The following IDI2 variants were observed in gnomAD, a reference collection of about 807,000 sequenced individuals.
IDI2 encodes isopentenyl-diphosphate delta isomerase 2.
IDI2 carries 18 observed loss-of-function variants against 14.8 expected under a neutral mutation model. The observed-to-expected ratio is 1.22, with a 90% CI of 0.84 to 1.80. The LOEUF (loss-of-function observed/expected upper bound fraction) is 1.80. IDI2 is among the 40% of genes most tolerant of loss of function. IDI2 has a pLI of 0.00. For synonymous variants in IDI2, 133 were observed against 109.6 expected (o/e 1.21, Z -1.33); for missense variants, 316 against 283.2 (o/e 1.12, Z -0.83).
At chr10:1,021,665 A>G (rs1379612190) in intron 3 of IDI2, among the ~76,000 whole-genome samples, 1 of 152,238 alleles carries the variant, frequency 6.6e-6, no homozygotes, top group Non-Finnish European at 1.5e-5. Context: ...TATGTACTAC[A>G]GTTGACCCTC....
chr10:1,020,513 C>T (rs944852648), intron 4 of IDI2, among the ~76,000 whole-genome samples: 7 of 152,110 alleles, frequency 4.6e-5, no homozygotes, highest in African/African-American at 1.4e-4. Flanking sequence ...GGTGTGTGGT[C>T]GACAGATTCC....
chr10:1,020,262 C>T (rs974759886), intron 4 of IDI2, among the ~76,000 whole-genome samples: 12 of 149,834 alleles, frequency 8.0e-5, no homozygotes, highest in Non-Finnish European at 1.0e-4. Context: ...CTCGCTCTGT[C>T]GCCAGGCTGG....
Position 1,024,567 on chromosome 10 carries a change from A to G in IDI2, c.142+15T>C. ...AAACCCTGGGAACTGGACAGAGAAA[A>G]TGGGCGGGGGCTACCTTTCTCAATG... On this transcript the variant is annotated intron_variant, in intron 2 of 4. Coordinates refer to ENST00000277517, the MANE Select transcript of IDI2 (RefSeq NM_033261.3). The G allele has an allele frequency of 6.2e-7, 1 of 1,613,568 alleles. No individual in the cohort carries two copies. The highest frequency in any genetic ancestry group is 8.5e-7 in the Non-Finnish European group (1 of 1,179,832).
Position 1,019,441 on chromosome 10 carries a change from G to T in IDI2, c.*76C>A. On this transcript the variant is annotated 3_prime_UTR_variant, in exon 5 of 5. Coordinates refer to ENST00000277517, the MANE Select transcript of IDI2 (RefSeq NM_033261.3). The stretch of plus-strand genomic sequence containing the variant: ...CCCCTTTTGCCCTGTTTTTTGGAGA[G>T]GGTGTATCATTGCCTCAATGGTGCG... 1.7e-6 allele frequency: 2 copies of T among 1,188,740 alleles called. No individual in the cohort carries two copies. The highest frequency in any genetic ancestry group is 2.4e-6 in the Non-Finnish European group (2 of 848,770). 73.6% of individuals were successfully genotyped at this position (1,188,740 alleles called of 1,614,324 possible). A position where few individuals can be genotyped will look rare whatever the true frequency, so the allele number is the denominator to read the frequency against.
Position 1,019,557 on chromosome 10 carries a change from A to G in IDI2, c.644T>C (p.Val215Ala). ...LYRWWPHLDD[V>A]TPFVELHKIH... is the part of the protein sequence containing the mutation. ...TTTGTGAAGCTCCACAAACGGGGTC[A>G]CGTCATCCAGGTGAGGCCACCACCG... is the stretch of plus-strand genomic sequence containing the variant. Residue 215 changes from valine (V) to alanine (A), a missense_variant, in exon 5 of 5, where the codon GTG (valine) becomes GCG (alanine). Val to Ala is a moderately conservative substitution (Grantham distance 64). Coordinates refer to ENST00000277517, the MANE Select transcript of IDI2 (RefSeq NM_033261.3). The G allele has an allele frequency of 1.2e-6, 2 of 1,613,858 alleles. No individual in the cohort carries two copies. The highest frequency in any genetic ancestry group is 1.7e-6 in the Non-Finnish European group (2 of 1,179,888).
At chr10:1,020,691 CT>C in intron 4 of IDI2, 75 bp downstream of exon 4, 2 of 1,296,536 alleles carry the variant, frequency 1.5e-6, no homozygotes, top group Non-Finnish European at 1.0e-6. Flanking sequence ...TAGATCCAGC[CT>C]GGACTTTGTT....
At chr10:1,020,180 A>G (rs1832066812) in intron 4 of IDI2, among the ~76,000 whole-genome samples, 1 of 151,858 alleles carries the variant, frequency 6.6e-6, no homozygotes, top group Non-Finnish European at 1.5e-5. Flanking sequence ...TGAAGGTAAC[A>G]CATGCTCACA....
chr10:1,020,773 C>G lies in IDI2; in HGVS notation c.360G>C (p.Gly120=). The G allele has an allele frequency of 6.2e-7, 1 of 1,611,434 alleles. No homozygotes were observed. The highest frequency in any genetic ancestry group is 8.5e-7 in the Non-Finnish European group (1 of 1,179,166). Residue 120 remains glycine, a synonymous_variant, in exon 4 of 5, where the codon GGG becomes GGC. Transcript: ENST00000277517. The part of the protein sequence containing the change: ...RRLQAELGIP[G]EQISPEDIVF... ...GACTGGATGCTGTGTGTACCTGCTC[C>G]CCAGGAATTCCCAGCTCTGCTTGCA...
At chr10:1,024,516 G>C (rs964936852) in intron 2 of IDI2, 66 bp downstream of exon 2, 1 of 1,570,510 alleles carries the variant, frequency 6.4e-7, no homozygotes, top group Non-Finnish European at 8.7e-7. Context: ...CTCTTCTTAG[G>C]TTGCCGTCGG....
intron 3 of IDI2, among the ~76,000 whole-genome samples, chr10:1,021,885 G>C (rs1263587944): frequency 1.3e-5 from 2 of 152,204 alleles, no homozygotes; most frequent in Non-Finnish European, 2.9e-5. Flanking sequence ...GCTCAGGCAA[G>C]GTCTGGTTTT....
chr10:1,020,983 C>G, intron 3 of IDI2, 86 bp from the exon 4 acceptor site: 1 of 1,403,402 alleles, frequency 7.1e-7, no homozygotes. Context: ...CATGTAAAAC[C>G]ATCATCCGTC....
intron 3 of IDI2, among the ~76,000 whole-genome samples, chr10:1,022,031 A>G (rs887424502): frequency 5.9e-5 from 9 of 152,190 alleles, no homozygotes; most frequent in African/African-American, 2.2e-4. Flanking sequence ...AGGCCAAGAC[A>G]GGCATATCAC....
chr10:1,019,631 T>C lies in IDI2; in HGVS notation c.570A>G (p.Glu190=), dbSNP rs759878110. The part of the protein sequence containing the change: ...WELLEREARG[E]VKVTPWLRTI... ...TTCTTAGCCAGGGGGTGACTTTGAC[T>C]TCACCCCTCGCCTCCCTCTCCAGCA... is the stretch of plus-strand genomic sequence containing the variant. Residue 190 remains glutamate (E), a synonymous_variant, in exon 5 of 5, where the codon GAA becomes GAG. Coordinates refer to ENST00000277517, the MANE Select transcript of IDI2 (RefSeq NM_033261.3). The C allele has an allele frequency of 2.6e-5, 42 of 1,613,884 alleles. No homozygotes were observed. Among genetic ancestry groups the C allele is most frequent in the Non-Finnish European group, 3.6e-5 (42 of 1,179,980 alleles).
intron 4 of IDI2, 70 bp downstream of exon 4, chr10:1,020,697 T>G: frequency 1.5e-6 from 2 of 1,323,496 alleles, no homozygotes; most frequent in Non-Finnish European, 2.0e-6. Flanking sequence ...CAGCCTGGAC[T>G]TTGTTCACCG....
At chr10:1,022,215 C>T (rs973375090) in intron 3 of IDI2, among the ~76,000 whole-genome samples, 4 of 150,778 alleles carry the variant, frequency 2.7e-5, no homozygotes, top group Non-Finnish European at 4.4e-5. Context: ...GCCGAGATGG[C>T]GCCACTGCAC....
At position 1,025,010 on chromosome 10, in the gene IDI2, CCACACACA is replaced by C. The variant is rs72086728; in HGVS notation, c.-21-274_-21-267del. Among the ~76,000 whole-genome samples the C allele has an allele frequency of 1.8e-3, 262 of 145,148 alleles. 2 individuals carry two copies. Among genetic ancestry groups the C allele is most frequent in the African/African-American group, 6.2e-3 (245 of 39,496 alleles). ...GACGAGTTAAAGAATCCCCGCCCCA[CCACACACA>C]CACACACACACACACACACACACAC... On this transcript the variant is annotated intron_variant, in intron 1 of 4. Transcript: ENST00000277517.
At chr10:1,022,653 T>G in intron 3 of IDI2, 30 bp downstream of exon 3, 1 of 1,521,298 alleles carries the variant, frequency 6.6e-7, no homozygotes, top group Non-Finnish European at 9.1e-7. Context: ...GATGCTCTCT[T>G]CAGTCCGGGG....
chr10:1,024,850 A>G, intron 1 of IDI2, 106 bp from the exon 2 acceptor site: 2 of 1,010,154 alleles, frequency 2.0e-6, no homozygotes, highest in South Asian at 1.5e-5. Flanking sequence ...CTTCTCTACA[A>G]GTGACAGCAA....
rs547385075 is a variant in IDI2 at position 1,023,673 on chromosome 10, A to G, written c.143-898T>C. 3.3e-5 allele frequency among the ~76,000 whole-genome samples: 5 copies of G among 152,298 alleles called. No individual in the cohort carries two copies. The South Asian group carries it at 1.0e-3, about 32-fold the overall frequency. On this transcript the variant is annotated intron_variant, in intron 2 of 4. Transcript: ENST00000277517. Reference sequence around the variant, plus strand: ...CTAGACACCAGAGGCTGCGAAGGGCAGTGGGGAGGGATGACGAGAGGGTGG... The same window carrying G: ...CTAGACACCAGAGGCTGCGAAGGGCGGTGGGGAGGGATGACGAGAGGGTGG...
Sources: gnomAD v4.1 joint callset for allele counts (sites outside exome capture counted in the v4.1 genomes callset) on GRCh38, gnomAD v4.1.1 for gene constraint, MANE v1.5 for transcripts, NCBI Gene and HGNC (gene_info 2026-07-23, HGNC 2026-07-21) for gene names.